The following GNAI3 variants were observed in gnomAD, a reference collection of about 807,000 sequenced individuals.
GNAI3 encodes the protein guanine nucleotide-binding protein G(i) subunit alpha-3.
GNAI3 carries 12 observed loss-of-function variants against 41.8 expected under a neutral mutation model. The ratio of observed to expected loss-of-function variants is 0.29; its 90% confidence interval spans 0.18 to 0.47. The LOEUF is 0.47. Ranked by LOEUF, GNAI3 falls within the 20% of genes least tolerant of loss-of-function variation. GNAI3 has a pLI of 1.00. For synonymous variants in GNAI3, 132 were observed against 146.5 expected, an observed-to-expected ratio of 0.90 and a Z score of 0.71; for missense variants, 360 against 429.6, an observed-to-expected ratio of 0.84 and a Z score of 1.43.
chr1:109,559,583 A>T (rs1648254458), intron 1 of GNAI3, among the ~76,000 whole-genome samples: 1 of 152,246 alleles, frequency 6.6e-6, no homozygotes. Flanking sequence ...AGTTAGCTTA[A>T]CATCATAAAG....
Position 109,548,709 on chromosome 1 carries a change from CCCG to C in GNAI3, c.-3_-1del. 1.9e-6 allele frequency: 3 copies of C among 1,599,102 alleles called. No homozygotes were observed. The highest frequency in any genetic ancestry group is 2.6e-6 in the Non-Finnish European group (3 of 1,167,550). ...GTGAGTCCGGGCCCGTGTCCCCTCT[CCCG>C]CCGCCGCCATGGGCTGCACGTTGAG... On this transcript the variant is annotated 5_prime_UTR_variant, in exon 1 of 9. Coordinates refer to ENST00000369851, the MANE Select transcript of GNAI3 (RefSeq NM_006496.4).
chr1:109,568,326 GA>G (rs1356218154), intron 1 of GNAI3, among the ~76,000 whole-genome samples: 1 of 152,026 alleles, frequency 6.6e-6, no homozygotes, highest in Admixed American at 6.5e-5. Flanking sequence ...TTGATCTCAG[GA>G]GTTTGAGCCC....
rs559855451 is a variant in GNAI3 at position 109,570,397 on chromosome 1, C to A, written c.119-3340C>A. Among the ~76,000 whole-genome samples the A allele has an allele frequency of 1.2e-4, 18 of 152,116 alleles. No individual in the cohort carries two copies. In the East Asian group the frequency reaches 3.3e-3, roughly 28 times the overall value. ...TTTGAGTAGATAATTTATGTCATGACCAGTTTAAGGCCCTGGGAATGCAGG... is the reference window on the plus strand; with the variant it reads ...TTTGAGTAGATAATTTATGTCATGAACAGTTTAAGGCCCTGGGAATGCAGG... On this transcript the variant is annotated intron_variant, in intron 1 of 8. Transcript: ENST00000369851.
At chr1:109,577,319 C>T (rs1648777578) in intron 3 of GNAI3, among the ~76,000 whole-genome samples, 1 of 149,518 alleles carries the variant, frequency 6.7e-6, no homozygotes, top group East Asian at 1.9e-4. Context: ...CTCTGTCGCC[C>T]AGGCTAGAGT....
intron 7 of GNAI3, among the ~76,000 whole-genome samples, chr1:109,590,406 TC>T (rs1361411822): frequency 1.3e-5 from 2 of 152,178 alleles, no homozygotes; most frequent in Admixed American, 6.5e-5. Context: ...ATTCTTACGG[TC>T]CTTATTTGCC....
At chr1:109,588,115 T>C (rs888791800) in intron 7 of GNAI3, among the ~76,000 whole-genome samples, 1 of 152,154 alleles carries the variant, frequency 6.6e-6, no homozygotes, top group Non-Finnish European at 1.5e-5. Context: ...GCGCGGTGGC[T>C]CACGCCTGTA....
intron 1 of GNAI3, among the ~76,000 whole-genome samples, chr1:109,572,729 AATAGT>A (rs758760769): frequency 7.2e-5 from 11 of 152,132 alleles, no homozygotes; most frequent in Admixed American, 2.6e-4. Context: ...AAAGATGGAA[AATAGT>A]ATAGTAAGTT....
chr1:109,583,655 G>A (rs867987023), intron 5 of GNAI3, among the ~76,000 whole-genome samples: 9 of 151,844 alleles, frequency 5.9e-5, no homozygotes, highest in South Asian at 2.1e-4. Context: ...ATCTCGGCTC[G>A]TTGCAACCTC....
intron 4 of GNAI3, among the ~76,000 whole-genome samples, chr1:109,581,824 A>C (rs1010494731): frequency 2.0e-5 from 3 of 152,012 alleles, no homozygotes; most frequent in African/African-American, 7.3e-5. Flanking sequence ...AGGAGGCGGA[A>C]GTTGCAGTGA....
rs970427474 is a variant in GNAI3, at chr1:109,562,228, C to CA, written c.119-11502dup. Among the ~76,000 whole-genome samples, 14 of 149,326 alleles carry CA rather than the reference C, an allele frequency of 9.4e-5. No individual in the cohort carries two copies. The South Asian group carries it at 2.9e-3, about 31-fold the overall frequency. Reference sequence around the variant, plus strand: ...GAAAAATTAAATGACAAAAATAATACAAAAAAAGTATAACTATTTACATAG... The same window carrying CA: ...GAAAAATTAAATGACAAAAATAATACAAAAAAAAGTATAACTATTTACATAG... On this transcript the variant is annotated intron_variant, in intron 1 of 8. Coordinates refer to ENST00000369851, the MANE Select transcript of GNAI3 (RefSeq NM_006496.4).
intron 1 of GNAI3, among the ~76,000 whole-genome samples, chr1:109,549,154 G>A (rs980020052): frequency 2.6e-5 from 4 of 152,206 alleles, no homozygotes; most frequent in African/African-American, 9.6e-5. Context: ...TAAAGGAAGA[G>A]TTGATACTAG....
intron 1 of GNAI3, among the ~76,000 whole-genome samples, chr1:109,555,000 A>G (rs1450215004): frequency 6.6e-6 from 1 of 152,238 alleles, no homozygotes; most frequent in Non-Finnish European, 1.5e-5. Context: ...CTACAAGGAA[A>G]ACTACAAAAC....
At position 109,592,435 on chromosome 1, in the gene GNAI3, A is replaced by G. The variant is rs572551725; in HGVS notation, c.*113A>G. Reference sequence around the variant, plus strand: ...AACGGGACCAGGGAATGGCAGCAGCATGCAGAATCTTAGCACTCTTTAGCA... The same window carrying G: ...AACGGGACCAGGGAATGGCAGCAGCGTGCAGAATCTTAGCACTCTTTAGCA... On this transcript the variant is annotated 3_prime_UTR_variant, in exon 9 of 9. Coordinates refer to ENST00000369851, the MANE Select transcript of GNAI3 (RefSeq NM_006496.4). The G allele has an allele frequency of 1.1e-5, 5 of 459,164 alleles. No homozygotes were observed. In the Admixed American group the frequency reaches 1.3e-4, roughly 12 times the overall value. 28.4% of individuals were successfully genotyped at this position (459,164 alleles called of 1,614,324 possible). A position where few individuals can be genotyped will look rare whatever the true frequency, so the allele number is the denominator to read the frequency against.
intron 1 of GNAI3, among the ~76,000 whole-genome samples, chr1:109,564,370 T>TC (rs1214863834): frequency 6.6e-6 from 1 of 152,068 alleles, no homozygotes; most frequent in Non-Finnish European, 1.5e-5. Context: ...TTAAACTGGG[T>TC]CAACAACCTT....
intron 5 of GNAI3, among the ~76,000 whole-genome samples, 156 bp downstream of exon 5, chr1:109,582,721 G>A (rs957756865): frequency 2.6e-5 from 4 of 152,052 alleles, no homozygotes; most frequent in Admixed American, 1.3e-4. Context: ...ACTGAATGGG[G>A]GCCCAAACAT....
At chr1:109,572,706 T>G (rs562230105) in intron 1 of GNAI3, among the ~76,000 whole-genome samples, 1 of 152,174 alleles carries the variant, frequency 6.6e-6, no homozygotes, top group South Asian at 2.1e-4. Flanking sequence ...GGGGTGTGTA[T>G]GTGTGTTGAT....
At chr1:109,566,765 G>A (rs959475456) in intron 1 of GNAI3, among the ~76,000 whole-genome samples, 1 of 152,152 alleles carries the variant, frequency 6.6e-6, no homozygotes, top group African/African-American at 2.4e-5. Context: ...GTTTCACTAT[G>A]TTGGCCAGGC....
At chr1:109,582,733 T>C (rs1648926223) in intron 5 of GNAI3, among the ~76,000 whole-genome samples, 168 bp downstream of exon 5, 1 of 152,240 alleles carries the variant, frequency 6.6e-6, no homozygotes, top group African/African-American at 2.4e-5. Flanking sequence ...CCCAAACATC[T>C]CTTGTTTCTC....
intron 1 of GNAI3, among the ~76,000 whole-genome samples, chr1:109,569,079 T>G (rs1648527461): frequency 6.6e-6 from 1 of 152,224 alleles, no homozygotes; most frequent in Non-Finnish European, 1.5e-5. Flanking sequence ...TAACATGGCT[T>G]CCTTCCTCCT....
Sources: allele counts gnomAD v4.1 joint callset (sites outside exome capture counted in the v4.1 genomes callset), GRCh38; gene constraint gnomAD v4.1.1; transcripts MANE v1.5; gene names NCBI Gene and HGNC (gene_info 2026-07-23, HGNC 2026-07-21).